Variants in NRG3 observed in about 807,000 individuals in gnomAD.
NRG3 encodes pro-neuregulin-3, membrane-bound isoform.
In NRG3, 31 loss-of-function variants were observed where a neutral mutation model predicts 66.9. That is an observed-to-expected ratio of 0.46 (90% CI 0.35 to 0.63). The LOEUF (loss-of-function observed/expected upper bound fraction) is 0.63. Among genes scored for constraint, NRG3 ranks in the 20% least tolerant of loss-of-function variants. The pLI is 0.00. For synonymous variants in NRG3, 393 were observed against 359.4 expected (o/e 1.09, Z -1.06); for missense variants, 910 against 878.9 (o/e 1.04, Z -0.45).
At chr10:82,131,274 T>A (rs2132497597) in intron 1 of NRG3, among the ~76,000 whole-genome samples, 1 of 152,304 alleles carries the variant, frequency 6.6e-6, no homozygotes, top group East Asian at 1.9e-4. Flanking sequence ...TATCCAGTTT[T>A]CCCAGCACTA....
chr10:82,123,883 T>C (rs575770642), intron 1 of NRG3, among the ~76,000 whole-genome samples: 9 of 152,008 alleles, frequency 5.9e-5, no homozygotes, highest in Non-Finnish European at 1.3e-4. Flanking sequence ...TCTTCCTTGC[T>C]TTGCTCCCCG....
chr10:82,602,082 C>G (rs2047673527), intron 2 of NRG3, among the ~76,000 whole-genome samples: 1 of 150,730 alleles, frequency 6.6e-6, no homozygotes, highest in African/African-American at 2.4e-5. Context: ...AGCCCTGTCT[C>G]TAAAAAATAA....
At chr10:82,282,922 G>A (rs565496946) in intron 1 of NRG3, among the ~76,000 whole-genome samples, 1 of 152,182 alleles carries the variant, frequency 6.6e-6, no homozygotes, top group Non-Finnish European at 1.5e-5. Flanking sequence ...GGTCACTGGG[G>A]TCCGATCCTG....
At chr10:82,563,905 C>A (rs2045220587) in intron 2 of NRG3, among the ~76,000 whole-genome samples, 1 of 152,000 alleles carries the variant, frequency 6.6e-6, no homozygotes, top group East Asian at 1.9e-4. Flanking sequence ...AAGTGTTATT[C>A]ATTTGAGTAT....
chr10:81,876,077 C>T lies in NRG3; in HGVS notation c.737C>T (p.Pro246Leu), dbSNP rs746207682. 4.3e-6 allele frequency: 7 copies of T among 1,613,784 alleles called. No homozygotes were observed. In the African/African-American group the frequency reaches 8.0e-5, roughly 18 times the overall value. The change falls in exon 1 of 9, where the codon CCC becomes CTC. Residue 246 changes from proline to leucine, a missense_variant. Physicochemically the swap from Pro to Leu is moderately conservative, Grantham distance 98. Coordinates refer to ENST00000372141, the MANE Select transcript of NRG3 (RefSeq NM_001010848.4). ...HDSTPSWTLSPFQDAASSSSS... is the reference protein window; with the variant it reads ...HDSTPSWTLSLFQDAASSSSS... Reference sequence around the variant, plus strand: ...TCTACTCCCTCCTGGACCCTGTCTCCCTTTCAGGATGCTGCCTCCTCTTCT... The same window carrying T: ...TCTACTCCCTCCTGGACCCTGTCTCTCTTTCAGGATGCTGCCTCCTCTTCT...
chr10:82,116,278 A>G (rs1167217426), intron 1 of NRG3, among the ~76,000 whole-genome samples: 2 of 152,128 alleles, frequency 1.3e-5, no homozygotes, highest in Admixed American at 1.3e-4. Flanking sequence ...AACCCTTAAA[A>G]GGAGGGAAGG....
intron 2 of NRG3, among the ~76,000 whole-genome samples, chr10:82,387,590 A>G (rs2086087283): frequency 6.6e-6 from 1 of 152,186 alleles, no homozygotes; most frequent in Non-Finnish European, 1.5e-5. Flanking sequence ...CTTTTAATAG[A>G]TGAACCCTCA....
intron 2 of NRG3, among the ~76,000 whole-genome samples, chr10:82,552,556 T>C (rs1183630342): frequency 1.3e-5 from 2 of 152,150 alleles, no homozygotes; most frequent in African/African-American, 4.8e-5. Context: ...AAAGTATCCT[T>C]TCACAAATTA....
At position 82,471,427 on chromosome 10, in the gene NRG3, T is replaced by C. The variant is rs549477963; in HGVS notation, c.953+112559T>C. ...CTGCTGGCTGTCAACCCACCTGAACTATTGAGAGATCATGGGACATTCTGA... is the reference window on the plus strand; with the variant it reads ...CTGCTGGCTGTCAACCCACCTGAACCATTGAGAGATCATGGGACATTCTGA... On this transcript the variant is annotated intron_variant, in intron 2 of 8. Coordinates refer to ENST00000372141, the MANE Select transcript of NRG3 (RefSeq NM_001010848.4). 7.2e-5 allele frequency among the ~76,000 whole-genome samples: 11 copies of C among 152,288 alleles called. No homozygotes were observed. The South Asian group carries it at 2.1e-3, about 29-fold the overall frequency.
At chr10:82,921,998 T>G (rs1469017595) in intron 4 of NRG3, among the ~76,000 whole-genome samples, 1 of 152,110 alleles carries the variant, frequency 6.6e-6, no homozygotes, top group Non-Finnish European at 1.5e-5. Flanking sequence ...ACTATATAGA[T>G]TTCAGTATAA....
At chr10:82,443,908 C>T (rs2090572157) in intron 2 of NRG3, among the ~76,000 whole-genome samples, 1 of 152,104 alleles carries the variant, frequency 6.6e-6, no homozygotes, top group Admixed American at 6.5e-5. Flanking sequence ...GTGAACTGGT[C>T]ACCTATGGGG....
Position 81,876,102 on chromosome 10 carries a change from T to TTCCTCTTCTTCC in NRG3, c.768_779dup (p.Ser257_Ser260dup). Reference sequence around the variant, plus strand: ...CCTTTCAGGATGCTGCCTCCTCTTCTTCCTCTTCTTCCTCCTCCGCTACCA... The same window carrying TTCCTCTTCTTCC: ...CCTTTCAGGATGCTGCCTCCTCTTCTTCCTCTTCTTCCTCCTCTTCTTCCTCCTCCGCTACCA... On this transcript the variant is annotated inframe_insertion, in exon 1 of 9. Coordinates refer to ENST00000372141, the MANE Select transcript of NRG3 (RefSeq NM_001010848.4). 1 of 1,611,372 alleles carries TTCCTCTTCTTCC rather than the reference T, an allele frequency of 6.2e-7. No individual in the cohort carries two copies. Among genetic ancestry groups the TTCCTCTTCTTCC allele is most frequent in the Non-Finnish European group, 8.5e-7 (1 of 1,179,020 alleles).
At chr10:82,500,041 C>T (rs898955713) in intron 2 of NRG3, among the ~76,000 whole-genome samples, 8 of 152,124 alleles carry the variant, frequency 5.3e-5, no homozygotes, top group Non-Finnish European at 1.2e-4. Flanking sequence ...TCAGTCCAGG[C>T]TGTAGTTGCT....
intron 1 of NRG3, among the ~76,000 whole-genome samples, chr10:82,323,404 G>T (rs979464036): frequency 6.6e-6 from 1 of 151,746 alleles, no homozygotes; most frequent in African/African-American, 2.4e-5. Context: ...TGAAATAATC[G>T]TATGTTTTTC....
chr10:82,318,445 A>G (rs77450067), intron 1 of NRG3, among the ~76,000 whole-genome samples: 2,573 of 152,314 alleles, frequency 0.017, 73 homozygotes, highest in African/African-American at 0.057. Flanking sequence ...TCACTCCTCT[A>G]TGAAATTCTT....
At chr10:82,729,443 A>G (rs933912318) in intron 2 of NRG3, among the ~76,000 whole-genome samples, 8 of 151,766 alleles carry the variant, frequency 5.3e-5, no homozygotes, top group Non-Finnish European at 1.0e-4. Context: ...CTAAAAATAG[A>G]TTTTTTTTTA....
At chr10:82,903,448 T>C (rs961166988) in intron 4 of NRG3, among the ~76,000 whole-genome samples, 9 of 152,284 alleles carry the variant, frequency 5.9e-5, no homozygotes, top group African/African-American at 1.9e-4. Context: ...CTGCTAGTGA[T>C]GCTGGAAGTG....
chr10:82,906,712 A>G (rs545556770), intron 4 of NRG3, among the ~76,000 whole-genome samples: 13 of 152,038 alleles, frequency 8.6e-5, no homozygotes, highest in Non-Finnish European at 8.8e-5. Flanking sequence ...TTTTTAACAT[A>G]AGGCAATCCA....
chr10:82,057,809 A>G (rs377694966), intron 1 of NRG3, among the ~76,000 whole-genome samples: 40 of 152,268 alleles, frequency 2.6e-4, no homozygotes, highest in African/African-American at 9.6e-4. Flanking sequence ...CAGGGATTCA[A>G]GATACTCACA....
Sources: gnomAD v4.1 joint callset for allele counts (sites outside exome capture counted in the v4.1 genomes callset) on GRCh38, gnomAD v4.1.1 for gene constraint, MANE v1.5 for transcripts, NCBI Gene and HGNC (gene_info 2026-07-23, HGNC 2026-07-21) for gene names.